PKN2: variants seen among roughly 807,000 people sequenced by gnomAD.
PKN2 encodes the protein protein kinase N2.
In PKN2, 38 loss-of-function variants were observed where a neutral mutation model predicts 119.1. That is an observed-to-expected ratio of 0.32 (90% CI 0.25 to 0.42). The LOEUF is 0.42. Among genes scored for constraint, PKN2 ranks in the 10% least tolerant of loss-of-function variants. PKN2 has a pLI of 1.00. For synonymous variants in PKN2, 390 were observed against 384.9 expected (o/e 1.01, Z -0.15); for missense variants, 850 against 1,165.1 (o/e 0.73, Z 3.94).
intron 1 of PKN2, among the ~76,000 whole-genome samples, chr1:88,716,164 G>A (rs1027790199): frequency 3.9e-5 from 6 of 152,172 alleles, no homozygotes; most frequent in East Asian, 1.9e-4. Context: ...AAGACAGTTC[G>A]TTATGATTTC....
chr1:88,826,862 A>C lies in PKN2; in HGVS notation c.2420-1619A>C, dbSNP rs569132308. ...TTCCTAGTTTTCTCCAAGTTACTAA[A>C]AGGCTGGTGCAGAACTTACATAGAT... On this transcript the variant is annotated intron_variant, in intron 18 of 21. Transcript: ENST00000370521. Among the ~76,000 whole-genome samples the C allele has an allele frequency of 2.3e-3, 354 of 152,300 alleles. 2 individuals carry two copies. The highest frequency in any genetic ancestry group is 8.4e-3 in the African/African-American group (349 of 41,570).
chr1:88,705,448 A>G (rs1666937521), intron 1 of PKN2, among the ~76,000 whole-genome samples: 1 of 151,990 alleles, frequency 6.6e-6, no homozygotes, highest in South Asian at 2.1e-4. Context: ...TAATCCCAGC[A>G]CTCTGGGAGG....
chr1:88,698,374 A>G lies in PKN2; in HGVS notation c.48+13746A>G, dbSNP rs746260810. 4.6e-5 allele frequency among the ~76,000 whole-genome samples: 7 copies of G among 152,316 alleles called. No individual in the cohort carries two copies. In the East Asian group the frequency reaches 5.8e-4, roughly 13 times the overall value. On this transcript the variant is annotated intron_variant, in intron 1 of 21. Coordinates refer to ENST00000370521, the MANE Select transcript of PKN2 (RefSeq NM_006256.4). Reference sequence around the variant, plus strand: ...ATGAACGATGACTCATGCATAAACAATGTCCTCAACAAGTTTTACAGTAAA... The same window carrying G: ...ATGAACGATGACTCATGCATAAACAGTGTCCTCAACAAGTTTTACAGTAAA...
chr1:88,699,682 G>T (rs919800170), intron 1 of PKN2, among the ~76,000 whole-genome samples: 1 of 151,992 alleles, frequency 6.6e-6, no homozygotes, highest in Non-Finnish European at 1.5e-5. Flanking sequence ...ATGGTATTTG[G>T]TTTTTTGTTC....
At chr1:88,695,269 A>T (rs903418565) in intron 1 of PKN2, among the ~76,000 whole-genome samples, 11 of 152,128 alleles carry the variant, frequency 7.2e-5, no homozygotes, top group Non-Finnish European at 1.5e-4. Flanking sequence ...ATCAAATATG[A>T]TTAATTAAAA....
Position 88,760,208 on chromosome 1 carries a change from T to C in PKN2, c.350-14T>C, listed in dbSNP as rs1435373045. The C allele has an allele frequency of 7.1e-7, 1 of 1,416,692 alleles. No homozygotes were observed. The highest frequency in any genetic ancestry group is 1.2e-5 in the South Asian group (1 of 80,738). 87.8% of individuals were successfully genotyped at this position (1,416,692 alleles called of 1,614,324 possible). On this transcript the variant is annotated splice_polypyrimidine_tract_variant and intron_variant, in intron 2 of 21. Coordinates refer to ENST00000370521, the MANE Select transcript of PKN2 (RefSeq NM_006256.4). ...TCATTCTAATAAGTAATTTTAACAA[T>C]ATTTTATTTACAGATTGCCCAAGGA...
intron 1 of PKN2, among the ~76,000 whole-genome samples, chr1:88,689,697 A>T (rs1490815811): frequency 6.6e-6 from 1 of 152,160 alleles, no homozygotes; most frequent in East Asian, 1.9e-4. Flanking sequence ...TGTAATCCCA[A>T]CTACTTGGGA....
intron 1 of PKN2, among the ~76,000 whole-genome samples, chr1:88,723,207 G>A (rs77576272): frequency 2.0e-5 from 3 of 150,196 alleles, no homozygotes; most frequent in Non-Finnish European, 4.4e-5. Flanking sequence ...TCCACCTCCC[G>A]GGTTCAAGCG....
At chr1:88,809,852 C>T (rs534446512) in intron 15 of PKN2, among the ~76,000 whole-genome samples, 1 of 151,776 alleles carries the variant, frequency 6.6e-6, no homozygotes, top group African/African-American at 2.4e-5. Context: ...TGGCTTCAAG[C>T]GATCCTCCTT....
intron 16 of PKN2, among the ~76,000 whole-genome samples, chr1:88,814,032 A>G (rs1426186343): frequency 6.6e-6 from 1 of 152,192 alleles, no homozygotes; most frequent in Admixed American, 6.5e-5. Flanking sequence ...AATGCCATCC[A>G]GAATTACAGC....
At chr1:88,753,365 T>A (rs2100767745) in intron 2 of PKN2, among the ~76,000 whole-genome samples, 1 of 152,342 alleles carries the variant, frequency 6.6e-6, no homozygotes, top group South Asian at 2.1e-4. Context: ...TTCGCATTTT[T>A]AAATTTTTAA....
At chr1:88,778,298 C>T (rs979053510) in intron 6 of PKN2, among the ~76,000 whole-genome samples, 1 of 152,232 alleles carries the variant, frequency 6.6e-6, no homozygotes, top group East Asian at 1.9e-4. Flanking sequence ...ACTATATAGT[C>T]ATCTGGTGTT....
chr1:88,716,442 G>A (rs1009505936), intron 1 of PKN2, among the ~76,000 whole-genome samples: 2 of 152,124 alleles, frequency 1.3e-5, no homozygotes, highest in Non-Finnish European at 2.9e-5. Flanking sequence ...CTCTTTGTAG[G>A]TCTCTAAGGA....
At chr1:88,733,622 T>C (rs1668229884) in intron 1 of PKN2, among the ~76,000 whole-genome samples, 1 of 151,062 alleles carries the variant, frequency 6.6e-6, no homozygotes. Context: ...TCTCCCAGTC[T>C]ATGACTGGCA....
intron 2 of PKN2, among the ~76,000 whole-genome samples, chr1:88,756,126 G>T (rs1269363570): frequency 6.6e-6 from 1 of 151,900 alleles, no homozygotes; most frequent in African/African-American, 2.4e-5. Context: ...TGGCCAGGAT[G>T]GTCTTGATCT....
At chr1:88,731,019 G>A (rs1347334644) in intron 1 of PKN2, among the ~76,000 whole-genome samples, 1 of 152,212 alleles carries the variant, frequency 6.6e-6, no homozygotes, top group Non-Finnish European at 1.5e-5. Context: ...AGCCTTTGCT[G>A]CTCTTTCAAA....
chr1:88,794,315 C>T (rs1670971933), intron 8 of PKN2, among the ~76,000 whole-genome samples: 2 of 149,660 alleles, frequency 1.3e-5, no homozygotes, highest in Admixed American at 6.7e-5. Context: ...TGCGGTGAGC[C>T]GAGATCATGC....
At chr1:88,746,204 A>G (rs1213119995) in intron 2 of PKN2, among the ~76,000 whole-genome samples, 1 of 152,184 alleles carries the variant, frequency 6.6e-6, no homozygotes, top group African/African-American at 2.4e-5. Flanking sequence ...GGAAAGCTCT[A>G]TGACATTGGT....
intron 3 of PKN2, among the ~76,000 whole-genome samples, chr1:88,767,105 A>G (rs919241183): frequency 1.3e-5 from 2 of 152,168 alleles, no homozygotes; most frequent in African/African-American, 4.8e-5. Flanking sequence ...ATACATTTAC[A>G]TTAGAACTTC....
Sources: gnomAD v4.1 joint callset for allele counts (sites outside exome capture counted in the v4.1 genomes callset) on GRCh38, gnomAD v4.1.1 for gene constraint, MANE v1.5 for transcripts, NCBI Gene and HGNC (gene_info 2026-07-23, HGNC 2026-07-21) for gene names.